The following CSTPP1 variants were observed in gnomAD, a reference collection of about 807,000 sequenced individuals.
The protein encoded by CSTPP1 is UPF0705 protein C11orf49.
At chr11:47,005,823 G>T in the CSTPP1 span, among the ~76,000 whole-genome samples, 1 of 152,136 alleles carries the variant, frequency 6.6e-6, no homozygotes, top group African/African-American at 2.4e-5. Context: ...GTTAATGAAA[G>T]TAAAGTGCTT....
the CSTPP1 span, among the ~76,000 whole-genome samples, chr11:46,957,063 A>C: frequency 6.6e-6 from 1 of 151,694 alleles, no homozygotes; most frequent in Non-Finnish European, 1.5e-5. Flanking sequence ...ATGGTTTTCG[A>C]TGAACTTGTG....
the CSTPP1 span, among the ~76,000 whole-genome samples, chr11:47,113,229 C>G: frequency 2.0e-5 from 3 of 152,186 alleles, no homozygotes; most frequent in Non-Finnish European, 4.4e-5. Flanking sequence ...TTTTCTTAAT[C>G]CAGTCTATCA....
At chr11:47,162,969 CAGG>C in the CSTPP1 span, among the ~76,000 whole-genome samples, 15 of 152,038 alleles carry the variant, frequency 9.9e-5, no homozygotes, top group Admixed American at 2.0e-4. Context: ...TGCTTGAGCC[CAGG>C]AGTTCAGGAC....
chr11:47,040,568 G>T, the CSTPP1 span, among the ~76,000 whole-genome samples: 1 of 126,656 alleles, frequency 7.9e-6, no homozygotes, highest in Admixed American at 8.5e-5. Context: ...CAGTCCAGGG[G>T]CAGCATGCTG....
chr11:46,975,666 T>C, the CSTPP1 span, among the ~76,000 whole-genome samples: 2 of 152,212 alleles, frequency 1.3e-5, no homozygotes, highest in African/African-American at 2.4e-5. Flanking sequence ...TGGAAAACTT[T>C]AGAGCTACTT....
chr11:46,945,169 GA>G, the CSTPP1 span, among the ~76,000 whole-genome samples: 2 of 152,082 alleles, frequency 1.3e-5, no homozygotes, highest in Non-Finnish European at 2.9e-5. Flanking sequence ...TCTATTCTAG[GA>G]AATATTGCTG....
chr11:47,070,648 T>C, the CSTPP1 span, among the ~76,000 whole-genome samples: 1 of 152,206 alleles, frequency 6.6e-6, no homozygotes, highest in African/African-American at 2.4e-5. Flanking sequence ...CAGACCACTT[T>C]AATCAGAATC....
the CSTPP1 span, chr11:47,161,807 T>A: frequency 7.1e-7 from 1 of 1,408,514 alleles, no homozygotes; most frequent in Non-Finnish European, 9.2e-7. Context: ...GCCCAGCCAG[T>A]GGCCCCGGAA....
At chr11:46,999,203 T>A in the CSTPP1 span, among the ~76,000 whole-genome samples, 1 of 151,602 alleles carries the variant, frequency 6.6e-6, no homozygotes, top group Non-Finnish European at 1.5e-5. Flanking sequence ...GAAGTGGGTT[T>A]AATAAAGCCT....
At chr11:47,135,142 A>T in the CSTPP1 span, among the ~76,000 whole-genome samples, 2 of 151,688 alleles carry the variant, frequency 1.3e-5, no homozygotes, top group South Asian at 2.1e-4. Flanking sequence ...AATTTAAAAT[A>T]AAAAAAACTC....
the CSTPP1 span, among the ~76,000 whole-genome samples, chr11:47,070,756 T>C: frequency 6.6e-6 from 1 of 152,168 alleles, no homozygotes; most frequent in South Asian, 2.1e-4. Context: ...AATGTAATTC[T>C]CTGAAGCACA....
At chr11:47,012,524 C>A in the CSTPP1 span, among the ~76,000 whole-genome samples, 3 of 151,330 alleles carry the variant, frequency 2.0e-5, no homozygotes, top group African/African-American at 7.3e-5. Context: ...TAGGGGATAG[C>A]AAAGCAAACT....
At chr11:47,163,909 G>A in the CSTPP1 span, among the ~76,000 whole-genome samples, 2 of 152,094 alleles carry the variant, frequency 1.3e-5, no homozygotes, top group African/African-American at 4.8e-5. Flanking sequence ...GCCTCCCAAA[G>A]TGCTGGGATG....
chr11:47,102,128 T>C, the CSTPP1 span, among the ~76,000 whole-genome samples: 262 of 152,236 alleles, frequency 1.7e-3, no homozygotes, highest in African/African-American at 5.9e-3. Context: ...TAACAATCTA[T>C]TACCTCTCTG....
At chr11:47,100,227 T>G in the CSTPP1 span, among the ~76,000 whole-genome samples, 3 of 152,220 alleles carry the variant, frequency 2.0e-5, no homozygotes, top group East Asian at 5.8e-4. Flanking sequence ...TCCCTCAAAT[T>G]TATTCCCTGT....
chr11:47,009,258 A>C, the CSTPP1 span, among the ~76,000 whole-genome samples: 1 of 152,072 alleles, frequency 6.6e-6, no homozygotes, highest in Non-Finnish European at 1.5e-5. Context: ...TTTTTTTCTC[A>C]GCCAGAAGAG....
the CSTPP1 span, among the ~76,000 whole-genome samples, chr11:47,102,609 G>C: frequency 2.0e-5 from 3 of 152,120 alleles, no homozygotes; most frequent in Non-Finnish European, 4.4e-5. Context: ...TAAAAAGCTA[G>C]GGGGTGATAA....
At chr11:47,081,158 A>G in the CSTPP1 span, among the ~76,000 whole-genome samples, 1 of 152,188 alleles carries the variant, frequency 6.6e-6, no homozygotes, top group African/African-American at 2.4e-5. Context: ...TAAACCTGTC[A>G]GTGCTCCTTA....
At chr11:47,155,372 C>T in the CSTPP1 span, 1 of 951,792 alleles carries the variant, frequency 1.1e-6, no homozygotes, top group African/African-American at 1.6e-5. Flanking sequence ...TCCCCACTTC[C>T]TTTGGGGGTG....
Sources: allele counts gnomAD v4.1 joint callset (sites outside exome capture counted in the v4.1 genomes callset), GRCh38; gene constraint gnomAD v4.1.1; transcripts MANE v1.5; gene names NCBI Gene and HGNC (gene_info 2026-07-23, HGNC 2026-07-21).